Variants in WWP1 observed in about 807,000 individuals in gnomAD.
WWP1 encodes the protein WW domain containing E3 ubiquitin protein ligase 1, also known as NEDD4-like E3 ubiquitin-protein ligase WWP1.
A neutral mutation model predicts 130.6 loss-of-function variants in WWP1; 49 were observed. The observed-to-expected ratio is 0.38, with a 90% CI of 0.30 to 0.48. The LOEUF (loss-of-function observed/expected upper bound fraction) is 0.48, where lower values mean the gene tolerates loss of function less well. WWP1 is among the 20% of genes least tolerant of loss of function. The pLI is 0.99. For missense variants in WWP1, 809 were observed against 1,100.6 expected (o/e 0.74, Z 3.75); for synonymous variants, 332 against 367.8 (o/e 0.90, Z 1.11).
chr8:86,402,929 A>G (rs1462374294), intron 8 of WWP1, among the ~76,000 whole-genome samples: 1 of 152,194 alleles, frequency 6.6e-6, no homozygotes, highest in Non-Finnish European at 1.5e-5. Flanking sequence ...TGGTGGAAAA[A>G]TGTACTGCGA....
chr8:86,451,524 G>T (rs1811179082), intron 20 of WWP1, among the ~76,000 whole-genome samples: 2 of 152,166 alleles, frequency 1.3e-5, no homozygotes, highest in Non-Finnish European at 2.9e-5. Context: ...TTAAAGGAAG[G>T]GTTTTTGGAA....
intron 1 of WWP1, among the ~76,000 whole-genome samples, chr8:86,363,311 T>G (rs1477503212): frequency 6.6e-6 from 1 of 152,138 alleles, no homozygotes; most frequent in East Asian, 1.9e-4. Flanking sequence ...TGTTACCTGT[T>G]TTTAGGGAAA....
At chr8:86,437,852 T>C (rs927053540) in intron 16 of WWP1, among the ~76,000 whole-genome samples, 2 of 152,186 alleles carry the variant, frequency 1.3e-5, no homozygotes, top group African/African-American at 2.4e-5. Context: ...CAGGCTGGAG[T>C]GCAGTGGCAC....
At chr8:86,460,878 T>G (rs1240825633) in intron 22 of WWP1, among the ~76,000 whole-genome samples, 1 of 140,350 alleles carries the variant, frequency 7.1e-6, no homozygotes. Context: ...GGCGTGATCT[T>G]GGCTCACTAC....
chr8:86,452,804 G>A, intron 21 of WWP1, 125 bp downstream of exon 21: 1 of 1,204,244 alleles, frequency 8.3e-7, no homozygotes, highest in Non-Finnish European at 1.2e-6. Context: ...CCTCTCATTT[G>A]TCCTGATGTC....
chr8:86,396,620 G>T (rs1211212643), intron 5 of WWP1, among the ~76,000 whole-genome samples: 2 of 149,672 alleles, frequency 1.3e-5, no homozygotes, highest in Non-Finnish European at 3.0e-5. Context: ...TTCAGACAGG[G>T]TCTCGCTCTA....
chr8:86,430,618 G>A (rs1339417861), intron 11 of WWP1, 79 bp from the exon 12 acceptor site: 13 of 1,177,130 alleles, frequency 1.1e-5, no homozygotes, highest in Admixed American at 2.2e-5. Context: ...ATGTGATTCT[G>A]CCACATGCTT....
At position 86,402,138 on chromosome 8, in the gene WWP1, T is replaced by A. The variant is rs1258648312; in HGVS notation, c.659T>A (p.Val220Asp). Residue 220 changes from valine (V) to aspartate (D), a missense_variant, in exon 8 of 25, where the codon GTT becomes GAT. This residue lies in a region of WWP1 where 262 missense variants were observed against 346.0 expected (regional missense o/e 0.76). Transcript: ENST00000517970. ...AACACACCTTCATCTCCGTCTCAGG[T>A]TGCTGCCAGACCCAAAAATACACCA... is the stretch of plus-strand genomic sequence containing the variant. ...GDNTPSSPSQ[V>D]AARPKNTPAP... The A allele has an allele frequency of 1.3e-5, 21 of 1,614,044 alleles. No individual in the cohort carries two copies. The highest frequency in any genetic ancestry group is 1.7e-5 in the Non-Finnish European group (20 of 1,180,028).
Position 86,342,928 on chromosome 8 carries a change from C to G in WWP1, c.-117C>G, listed in dbSNP as rs1822299725. 2 of 136,638 alleles carry G rather than the reference C, an allele frequency of 1.5e-5. No individual in the cohort carries two copies. The highest frequency in any genetic ancestry group is 1.0e-4 in the Admixed American group (1 of 9,866). The allele number at this position is 136,638 out of a possible 1,614,324, so 8.5% of individuals were successfully genotyped here. On this transcript the variant is annotated splice_region_variant and 5_prime_UTR_variant, in exon 1 of 25. Coordinates refer to ENST00000517970, the MANE Select transcript of WWP1 (RefSeq NM_007013.4). The stretch of plus-strand genomic sequence containing the variant: ...CTGCCGGGAGCCGACAGCTTCGCGC[C>G]GGGTAAGGACGGCGCGGCGCGGGGC...
intron 5 of WWP1, among the ~76,000 whole-genome samples, chr8:86,392,324 A>G (rs117804954): frequency 0.022 from 3,387 of 152,352 alleles, 42 homozygotes; most frequent in South Asian, 0.042. Flanking sequence ...GCTAACATAC[A>G]CATTAGAGTA....
rs968442766 is a variant in WWP1, at chr8:86,468,302, G to C, written c.*1409G>C. 4.7e-6 allele frequency: 2 copies of C among 421,456 alleles called. No homozygotes were observed. Among genetic ancestry groups the C allele is most frequent in the African/African-American group, 4.2e-5 (2 of 47,826 alleles). The allele number at this position is 421,456 out of a possible 1,614,324, so 26.1% of individuals were successfully genotyped here. On this transcript the variant is annotated 3_prime_UTR_variant, in exon 25 of 25. Transcript: ENST00000517970. ...CCAAAATTTTATTTTTCTACATATT[G>C]AGAGTGTGTTCTCCATTTTATTCAG...
intron 1 of WWP1, among the ~76,000 whole-genome samples, chr8:86,359,811 A>G (rs994382482): frequency 1.3e-5 from 2 of 152,026 alleles, no homozygotes; most frequent in African/African-American, 4.8e-5. Context: ...GCACTTTGGG[A>G]GGCGGAGGCG....
chr8:86,435,585 A>G (rs1810245457), intron 15 of WWP1, 48 bp from the exon 16 acceptor site: 1 of 1,611,870 alleles, frequency 6.2e-7, no homozygotes, highest in African/African-American at 1.3e-5. Flanking sequence ...TTTATACAAT[A>G]CATATACTAT....
At chr8:86,395,068 A>C (rs1178914316) in intron 5 of WWP1, among the ~76,000 whole-genome samples, 1 of 152,154 alleles carries the variant, frequency 6.6e-6, no homozygotes, top group Non-Finnish European at 1.5e-5. Flanking sequence ...TAGCCAGAGA[A>C]GGGAGCTGAG....
intron 1 of WWP1, among the ~76,000 whole-genome samples, chr8:86,366,797 T>A (rs1478636281): frequency 6.6e-6 from 1 of 152,168 alleles, no homozygotes; most frequent in Non-Finnish European, 1.5e-5. Context: ...CTGAGCAAAC[T>A]GGGACGAGTT....
At chr8:86,437,862 C>T (rs1056746063) in intron 16 of WWP1, among the ~76,000 whole-genome samples, 4 of 152,126 alleles carry the variant, frequency 2.6e-5, no homozygotes, top group Admixed American at 2.6e-4. Flanking sequence ...TGCAGTGGCA[C>T]GATCTCGGCT....
chr8:86,354,938 C>A (rs1039422486), intron 1 of WWP1, among the ~76,000 whole-genome samples: 1 of 152,024 alleles, frequency 6.6e-6, no homozygotes, highest in South Asian at 2.1e-4. Flanking sequence ...AATATTAACA[C>A]CTTTTTTTAA....
intron 5 of WWP1, among the ~76,000 whole-genome samples, chr8:86,393,829 C>T (rs966508135): frequency 6.6e-6 from 1 of 152,222 alleles, no homozygotes; most frequent in Non-Finnish European, 1.5e-5. Flanking sequence ...TCCCACACTG[C>T]GTCAGAGATT....
intron 1 of WWP1, among the ~76,000 whole-genome samples, chr8:86,366,885 A>G (rs755182860): frequency 6.6e-6 from 1 of 152,150 alleles, no homozygotes; most frequent in Non-Finnish European, 1.5e-5. Flanking sequence ...TAATATTACT[A>G]TATTCGTATA....
Sources: gnomAD v4.1 joint callset for allele counts (sites outside exome capture counted in the v4.1 genomes callset) on GRCh38, gnomAD v4.1.1 for gene constraint, gnomAD v4.1.1 regional missense constraint, MANE v1.5 for transcripts, NCBI Gene and HGNC (gene_info 2026-07-23, HGNC 2026-07-21) for gene names.